Variants in FBLIM1 observed in about 807,000 individuals in gnomAD.
FBLIM1 encodes the protein filamin-binding LIM protein 1.
FBLIM1 carries 29 observed loss-of-function variants against 37.4 expected under a neutral mutation model. That is an observed-to-expected ratio of 0.77 (90% CI 0.58 to 1.06). The LOEUF (loss-of-function observed/expected upper bound fraction) is 1.06, where lower values mean the gene tolerates loss of function less well. FBLIM1 is among the 50% of genes least tolerant of loss of function. The pLI is 0.00. For synonymous variants in FBLIM1, 193 were observed against 199.0 expected (o/e 0.97, Z 0.25); for missense variants, 449 against 505.6 (o/e 0.89, Z 1.07).
chr1:15,786,382 G>C lies in FBLIM1; in HGVS notation c.*1721G>C, dbSNP rs1018140546. ...CCCTGAGCCTAGAGCAGGGAGTCCC[G>C]AACTTCTGCATTCACAGACCACCTC... On this transcript the variant is annotated 3_prime_UTR_variant, in exon 9 of 9. Transcript: ENST00000375766. 7.2e-5 allele frequency: 11 copies of C among 152,140 alleles called. No individual in the cohort carries two copies. The highest frequency in any genetic ancestry group is 2.1e-4 in the South Asian group (1 of 4,824). The allele number at this position is 152,140 out of a possible 1,614,324, so 9.4% of individuals were successfully genotyped here.
chr1:15,775,920 G>A (rs1483726133), intron 7 of FBLIM1, among the ~76,000 whole-genome samples: 2 of 152,174 alleles, frequency 1.3e-5, no homozygotes, highest in African/African-American at 4.8e-5. Context: ...TTATGACTCA[G>A]TCAGATAAGG....
upstream of FBLIM1, chr1:15,758,392 G>A (rs980140399): frequency 6.6e-6 from 1 of 152,238 alleles, no homozygotes; most frequent in Non-Finnish European, 1.5e-5. The surrounding 1 kb of genome is among the most constrained non-coding windows in gnomAD (Gnocchi z 6.2). Context: ...GCGAGGGAAG[G>A]GGGACGGCAG....
At chr1:15,773,700 A>G (rs1173921558) in intron 6 of FBLIM1, among the ~76,000 whole-genome samples, 1 of 142,558 alleles carries the variant, frequency 7.0e-6, no homozygotes, top group Non-Finnish European at 1.5e-5. Context: ...AAAAAAAAAA[A>G]GGTAGATCTC....
chr1:15,767,261 G>C, intron 3 of FBLIM1, 115 bp from the exon 4 acceptor site: 1 of 876,496 alleles, frequency 1.1e-6, no homozygotes, highest in Middle Eastern at 3.7e-4. Flanking sequence ...AACCCAGGCC[G>C]GGGTGATCCC....
chr1:15,762,297 T>C (rs1174612343), intron 1 of FBLIM1, among the ~76,000 whole-genome samples: 4 of 147,996 alleles, frequency 2.7e-5, no homozygotes, highest in African/African-American at 7.5e-5. Flanking sequence ...AGACTCTTGC[T>C]CTGTTGCCCA....
intron 8 of FBLIM1, among the ~76,000 whole-genome samples, chr1:15,777,812 A>G (rs1345924005): frequency 6.6e-6 from 1 of 152,056 alleles, no homozygotes; most frequent in Non-Finnish European, 1.5e-5. Flanking sequence ...ACCTCAGGTG[A>G]TCCGCCCACT....
At chr1:15,769,936 T>A (rs896092611) in intron 5 of FBLIM1, among the ~76,000 whole-genome samples, 1 of 149,218 alleles carries the variant, frequency 6.7e-6, no homozygotes, top group African/African-American at 2.5e-5. Context: ...CCGGGCTCTT[T>A]ATTTTTTTTA....
intron 7 of FBLIM1, among the ~76,000 whole-genome samples, chr1:15,776,752 C>G (rs925524381): frequency 5.9e-5 from 9 of 151,524 alleles, no homozygotes; most frequent in African/African-American, 2.2e-4. Flanking sequence ...GTCCCAGCTA[C>G]TCAAGAGGCT....
intron 5 of FBLIM1, among the ~76,000 whole-genome samples, chr1:15,769,087 C>T (rs990377792): frequency 5.3e-5 from 8 of 152,154 alleles, no homozygotes; most frequent in African/African-American, 1.9e-4. Flanking sequence ...TCCACCTGCT[C>T]CCTCCCCCCA....
chr1:15,784,557 A>T lies in FBLIM1; in HGVS notation c.1018A>T (p.Ile340Phe), dbSNP rs1557709019. Reference sequence around the variant, plus strand: ...GTCTTTGTCTCCCCAGGACTGCAGGATCCTCCTGTCTGTCGAGCCCACGGA... The same window carrying T: ...GTCTTTGTCTCCCCAGGACTGCAGGTTCCTCCTGTCTGTCGAGCCCACGGA... ...ENCYRCEDCR[I>F]LLSVEPTDQG... Residue 340 changes from isoleucine to phenylalanine, a missense_variant, in exon 9 of 9, where the codon ATC (isoleucine) becomes TTC (phenylalanine). By Grantham distance (21) the Ile-to-Phe change is conservative. Transcript: ENST00000375766. 1.2e-6 allele frequency: 2 copies of T among 1,613,630 alleles called. No homozygotes were observed. The highest frequency in any genetic ancestry group is 1.7e-6 in the Non-Finnish European group (2 of 1,179,754).
intron 8 of FBLIM1, among the ~76,000 whole-genome samples, chr1:15,782,470 G>A (rs1286281317): frequency 6.6e-6 from 1 of 151,828 alleles, no homozygotes; most frequent in East Asian, 1.9e-4. Context: ...TTCCAGCCAT[G>A]CTTGTGTGGG....
intron 1 of FBLIM1, among the ~76,000 whole-genome samples, chr1:15,762,407 C>T (rs561830106): frequency 2.6e-5 from 4 of 151,898 alleles, no homozygotes; most frequent in Admixed American, 6.6e-5. Context: ...AGATAACAGG[C>T]GTCTGCCACC....
chr1:15,784,827 C>A lies in FBLIM1; in HGVS notation c.*166C>A. On this transcript the variant is annotated 3_prime_UTR_variant, in exon 9 of 9. Transcript: ENST00000375766. ...AGGATACAGTGGGGCTGAGCACCCC[C>A]AGGCCTTCCACTCCTCTACCCTCTG... 1.8e-6 allele frequency: 1 copy of A among 541,554 alleles called. No individual in the cohort carries two copies. Among genetic ancestry groups the A allele is most frequent in the Non-Finnish European group, 3.3e-6 (1 of 301,752 alleles). The allele number at this position is 541,554 out of a possible 1,614,324, so 33.5% of individuals were successfully genotyped here.
chr1:15,758,292 C>G (rs1271801041), upstream of FBLIM1: 1 of 152,198 alleles, frequency 6.6e-6, no homozygotes, highest in Non-Finnish European at 1.5e-5. This position sits in a 1 kb window ranked among gnomAD's most constrained non-coding sequence, Gnocchi z 6.2. Flanking sequence ...GAACCCTGGT[C>G]GGTTTGACGC....
Position 15,765,266 on chromosome 1 carries a change from G to C in FBLIM1, c.250+33G>C. On this transcript the variant is annotated intron_variant, in intron 3 of 8. Coordinates refer to ENST00000375766, the MANE Select transcript of FBLIM1 (RefSeq NM_017556.4). This position sits in a 1 kb window ranked among gnomAD's most constrained non-coding sequence, Gnocchi z 5.9. Reference sequence around the variant, plus strand: ...CTGAGGGGACTTTGGGGAAGACCACGTCAGAGGCAGAGGTGGGGAGGAAAG... The same window carrying C: ...CTGAGGGGACTTTGGGGAAGACCACCTCAGAGGCAGAGGTGGGGAGGAAAG... 1 of 1,578,890 alleles carries C rather than the reference G, an allele frequency of 6.3e-7. No individual in the cohort carries two copies. The highest frequency in any genetic ancestry group is 1.1e-5 in the South Asian group (1 of 87,752).
In FBLIM1 at chr1:15,770,514, G is replaced by T. The variant is rs776825526; in HGVS notation, c.647G>T (p.Arg216Leu). The T allele has an allele frequency of 5.6e-6, 9 of 1,613,674 alleles. No individual in the cohort carries two copies. Among genetic ancestry groups the T allele is most frequent in the African/African-American group, 5.3e-5 (4 of 74,840 alleles). ...TGCTTCACGTGCCGCACCTGCCGCC[G>T]CCAGCTGGCTGGGCAGAGCTTCTAC... ...AQCFTCRTCR[R>L]QLAGQSFYQK... Residue 216 changes from arginine to leucine, a missense_variant, in exon 6 of 9, where the codon CGC becomes CTC. Transcript: ENST00000375766.
chr1:15,769,093 C>T (rs1323423333), intron 5 of FBLIM1, among the ~76,000 whole-genome samples: 1 of 152,186 alleles, frequency 6.6e-6, no homozygotes, highest in Non-Finnish European at 1.5e-5. Context: ...TGCTCCCTCC[C>T]CCCATTTTTC....
chr1:15,770,518 G>C lies in FBLIM1; in HGVS notation c.651G>C (p.Gln217His), dbSNP rs765078796. Residue 217 changes from glutamine to histidine, a missense_variant, in exon 6 of 9, where the codon CAG becomes CAC. Gln to His is a conservative substitution (Grantham distance 24). Transcript: ENST00000375766. ...QCFTCRTCRR[Q>H]LAGQSFYQKD... is the part of the protein sequence containing the mutation. ...TCACGTGCCGCACCTGCCGCCGCCAGCTGGCTGGGCAGAGCTTCTACCAGA... is the reference window on the plus strand; with the variant it reads ...TCACGTGCCGCACCTGCCGCCGCCACCTGGCTGGGCAGAGCTTCTACCAGA... The C allele has an allele frequency of 6.2e-7, 1 of 1,613,954 alleles. No homozygotes were observed. Among genetic ancestry groups the C allele is most frequent in the Non-Finnish European group, 8.5e-7 (1 of 1,180,024 alleles).
chr1:15,769,592 G>A (rs1417196948), intron 5 of FBLIM1, among the ~76,000 whole-genome samples: 2 of 152,098 alleles, frequency 1.3e-5, no homozygotes, highest in Non-Finnish European at 2.9e-5. Flanking sequence ...CAATCCCTTT[G>A]TCCTGAAACT....
Sources: allele counts gnomAD v4.1 joint callset (sites outside exome capture counted in the v4.1 genomes callset), GRCh38; gene constraint gnomAD v4.1.1; non-coding constraint Gnocchi (gnomAD v3.1); transcripts MANE v1.5; gene names NCBI Gene and HGNC (gene_info 2026-07-23, HGNC 2026-07-21).